KLK14: variants seen among roughly 807,000 people sequenced by gnomAD.
The protein encoded by KLK14 is kallikrein related peptidase 14.
Under a neutral mutation model 24.6 loss-of-function variants are expected in KLK14, and 21 were observed. The ratio of observed to expected loss-of-function variants is 0.85; its 90% CI spans 0.61 to 1.23. The LOEUF (loss-of-function observed/expected upper bound fraction) is 1.23, where lower values mean the gene tolerates loss of function less well. Among genes scored for constraint, KLK14 ranks in the 50% most tolerant of loss-of-function variants. The pLI is 0.00. For missense variants in KLK14, 320 were observed against 338.9 expected (o/e 0.94, Z 0.44); for synonymous variants, 133 against 139.7 (o/e 0.95, Z 0.34).
rs753748113 is a variant in KLK14 at position 51,078,969 on chromosome 19, G to T, written c.467-18C>A. ...GTACCTGGCTGGGGGACACTGCAGG[G>T]TTATAACTGGGTCTACCCTCCCATA... is the stretch of plus-strand genomic sequence containing the variant. On this transcript the variant is annotated intron_variant, in intron 4 of 5. Transcript: ENST00000650543. The surrounding 1 kb of genome is among the most constrained non-coding windows in gnomAD (Gnocchi z 5.0). The T allele has an allele frequency of 6.2e-6, 10 of 1,612,278 alleles. No individual in the cohort carries two copies. The Admixed American group carries it at 1.2e-4, about 19-fold the overall frequency.
chr19:51,083,055 A>G (rs1163307771), upstream of KLK14, among the ~76,000 whole-genome samples: 1 of 149,386 alleles, frequency 6.7e-6, no homozygotes, highest in Non-Finnish European at 1.5e-5. Flanking sequence ...AAAAGCAGCC[A>G]CAATTGTTCA....
downstream of KLK14, chr19:51,077,871 G>A (rs2091812336): frequency 4.5e-6 from 4 of 894,948 alleles, no homozygotes; most frequent in Non-Finnish European, 4.8e-6. Context: ...CTGGACTCCC[G>A]GGTCTGAGGG....
chr19:51,083,462 G>GAGAC, upstream of KLK14, among the ~76,000 whole-genome samples: 1 of 151,818 alleles, frequency 6.6e-6, no homozygotes, highest in South Asian at 2.1e-4. Flanking sequence ...GAGAAAGAGA[G>GAGAC]AGACAGAGAC....
At position 51,082,598 on chromosome 19, in the gene KLK14, G is replaced by C. The variant is rs1422241404; in HGVS notation, c.17C>G (p.Thr6Arg). The C allele has an allele frequency of 1.2e-6, 2 of 1,614,130 alleles. No homozygotes were observed. Among genetic ancestry groups the C allele is most frequent in the Non-Finnish European group, 1.7e-6 (2 of 1,180,038 alleles). ...ACCTATAGCCAGGACTTGAAGTGCT[G>C]TCAGCAGGAGGAACATTTTAGGGGC... Reference protein sequence around the residue: MFLLLTALQVLAIAMT... With the variant: MFLLLRALQVLAIAMT... Residue 6 changes from threonine to arginine, a missense_variant, in exon 2 of 6, where the codon ACA (threonine) becomes AGA (arginine). By Grantham distance (71) the Thr-to-Arg change is moderately conservative. Coordinates refer to ENST00000650543, the MANE Select transcript of KLK14 (RefSeq NM_001369775.2).
intron 2 of KLK14, 136 bp downstream of exon 2, chr19:51,082,439 C>T (rs1279662507): frequency 1.3e-6 from 1 of 760,838 alleles, no homozygotes; most frequent in Non-Finnish European, 2.2e-6. Flanking sequence ...CACGTTCCCC[C>T]ACCATGACCC....
In KLK14 at chr19:51,078,878, A is replaced by G; in HGVS notation, c.540T>C (p.Pro180=). 1 of 1,614,034 alleles carries G rather than the reference A, an allele frequency of 6.2e-7. No individual in the cohort carries two copies. The part of the protein sequence containing the change: ...SPDEVCQKAY[P]RTITPGMVCA... ...AGACCATGCCAGGCGTGATGGTTCT[A>G]GGATAGGCCTTCTGGCACACCTCAT... Residue 180 remains proline (P), a synonymous_variant, in exon 5 of 6, where the codon CCT becomes CCC. Transcript: ENST00000650543. This position sits in a 1 kb window ranked among gnomAD's most constrained non-coding sequence, Gnocchi z 5.0.
At chr19:51,081,289 G>A (rs1191825495) in intron 3 of KLK14, among the ~76,000 whole-genome samples, 4 of 152,176 alleles carry the variant, frequency 2.6e-5, no homozygotes, top group South Asian at 4.1e-4. Flanking sequence ...TCAGATGTTC[G>A]GTTCTCAGCA....
intron 3 of KLK14, among the ~76,000 whole-genome samples, 194 bp from the exon 4 acceptor site, chr19:51,079,896 G>A (rs371775966): frequency 6.6e-6 from 1 of 152,226 alleles, no homozygotes; most frequent in East Asian, 1.9e-4. Flanking sequence ...CCCAGCCCCA[G>A]CTGCCTCTCC....
Position 51,082,887 on chromosome 19 carries a change from C to A in KLK14, c.-188G>T. The A allele has an allele frequency of 1.1e-6, 1 of 935,462 alleles. No individual in the cohort carries two copies. Among genetic ancestry groups the A allele is most frequent in the South Asian group, 1.6e-5 (1 of 62,136 alleles). 57.9% of individuals were successfully genotyped at this position (935,462 alleles called of 1,614,324 possible). The stretch of plus-strand genomic sequence containing the variant: ...TGAAGGAAGGAGGGGAGGTGTCTCT[C>A]TTCCTAGTCACACTGGCAAAGCCTT... On this transcript the variant is annotated 5_prime_UTR_variant, in exon 1 of 6. Transcript: ENST00000650543.
rs1470659401 is a variant in KLK14, at chr19:51,081,557, T to G, written c.187A>C (p.Ile63Leu). The G allele has an allele frequency of 6.5e-7, 1 of 1,540,056 alleles. No homozygotes were observed. The highest frequency in any genetic ancestry group is 1.4e-5 in the African/African-American group (1 of 72,886). Residue 63 changes from isoleucine to leucine, a missense_variant, in exon 3 of 6, where the codon ATC becomes CTC. Ile to Leu is a conservative substitution (Grantham distance 5). Coordinates refer to ENST00000650543, the MANE Select transcript of KLK14 (RefSeq NM_001369775.2). ...GGALLSGQWV[I>L]TAAHCGRPIL... ...GGGCGGCCGCAGTGAGCAGCAGTGA[T>G]GACCCACTGGCCTGAAAGCAGGGCG... is the stretch of plus-strand genomic sequence containing the variant.
At chr19:51,079,355 C>T (rs2091824275) in intron 4 of KLK14, 94 bp downstream of exon 4, 2 of 1,331,968 alleles carry the variant, frequency 1.5e-6, no homozygotes, top group East Asian at 2.5e-5. Context: ...CCTCCTCCCT[C>T]AGACCCAGGA....
chr19:51,082,893 A>G (rs1051540573), upstream of KLK14: 46 of 875,528 alleles, frequency 5.3e-5, no homozygotes, highest in African/African-American at 2.0e-4. Flanking sequence ...CTCTCTTCCT[A>G]GTCACACTGG....
intron 2 of KLK14, 136 bp downstream of exon 2, chr19:51,082,439 C>G (rs1279662507): frequency 5.3e-6 from 4 of 760,838 alleles, no homozygotes; most frequent in East Asian, 2.6e-5. Flanking sequence ...CACGTTCCCC[C>G]ACCATGACCC....
chr19:51,083,899 G>A (rs1405834936), upstream of KLK14, among the ~76,000 whole-genome samples: 2 of 152,148 alleles, frequency 1.3e-5, no homozygotes, highest in African/African-American at 2.4e-5. Flanking sequence ...AAGGCAGTGC[G>A]GGCATGAGAC....
chr19:51,079,019 C>A lies in KLK14; in HGVS notation c.467-68G>T, dbSNP rs1599796207. 2.8e-6 allele frequency: 4 copies of A among 1,414,012 alleles called. No homozygotes were observed. The South Asian group carries it at 5.2e-5, about 18-fold the overall frequency. The allele number at this position is 1,414,012 out of a possible 1,614,324, so 87.6% of individuals were successfully genotyped here. A position where few individuals can be genotyped will look rare whatever the true frequency, so the allele number is the denominator to read the frequency against. ...AAGACCCAAGGGTCCAGGCCCCCAG[C>A]CCCTCCTCCTTCCGACCCAGGAGTC... On this transcript the variant is annotated intron_variant, in intron 4 of 5. Transcript: ENST00000650543.
At chr19:51,082,521 T>C (rs979913397) in intron 2 of KLK14, 54 bp downstream of exon 2, 58 of 1,572,248 alleles carry the variant, frequency 3.7e-5, no homozygotes, top group East Asian at 1.3e-4. Flanking sequence ...CATCCCCATC[T>C]CTTCTCAGAG....
In KLK14 at chr19:51,082,826, G is replaced by T. The variant is rs183409855; in HGVS notation, c.-127C>A. On this transcript the variant is annotated 5_prime_UTR_variant, in exon 1 of 6. Transcript: ENST00000650543. ...CTCTGCGGGCGGCAGGTGGGAGGAT[G>T]TGGAGCAGGGCACAGGTCCCTCCTT... is the stretch of plus-strand genomic sequence containing the variant. 1.8e-3 allele frequency: 2,759 copies of T among 1,505,940 alleles called. No individual in the cohort carries two copies. Among genetic ancestry groups the T allele is most frequent in the Non-Finnish European group, 2.4e-3 (2,611 of 1,098,134 alleles). 93.3% of individuals were successfully genotyped at this position (1,505,940 alleles called of 1,614,324 possible). A position where few individuals can be genotyped will look rare whatever the true frequency, so the allele number is the denominator to read the frequency against.
At position 51,078,958 on chromosome 19, in the gene KLK14, G is replaced by T. The variant is rs1489685623; in HGVS notation, c.467-7C>A. ...AGAGAGGCGGGGTACCTGGCTGGGG[G>T]ACACTGCAGGGTTATAACTGGGTCT... is the stretch of plus-strand genomic sequence containing the variant. On this transcript the variant is annotated splice_polypyrimidine_tract_variant and splice_region_variant and intron_variant, in intron 4 of 5. Transcript: ENST00000650543. This position sits in a 1 kb window ranked among gnomAD's most constrained non-coding sequence, Gnocchi z 5.0. 2 of 1,613,204 alleles carry T rather than the reference G, an allele frequency of 1.2e-6. No individual in the cohort carries two copies. The highest frequency in any genetic ancestry group is 2.2e-5 in the South Asian group (2 of 91,054).
chr19:51,083,228 G>T (rs1254333387), upstream of KLK14, among the ~76,000 whole-genome samples: 2 of 150,580 alleles, frequency 1.3e-5, no homozygotes. Context: ...GCACGAAGGG[G>T]CTGAGAGAGG....
Sources: allele counts gnomAD v4.1 joint callset (sites outside exome capture counted in the v4.1 genomes callset), GRCh38; gene constraint gnomAD v4.1.1; non-coding constraint Gnocchi (gnomAD v3.1); transcripts MANE v1.5; gene names NCBI Gene and HGNC (gene_info 2026-07-23, HGNC 2026-07-21).